Variants in MAP4K4 observed in about 807,000 individuals in gnomAD.
MAP4K4 encodes the protein mitogen-activated protein kinase kinase kinase kinase 4, also known as HPK/GCK-like kinase HGK.
MAP4K4 carries 38 observed loss-of-function variants against 189.6 expected under a neutral mutation model. That is an observed-to-expected ratio of 0.20 (90% CI 0.15 to 0.26). The LOEUF is 0.26. MAP4K4 is among the 10% of genes least tolerant of loss of function. The pLI is 1.00. For synonymous variants in MAP4K4, 610 were observed against 624.3 expected (o/e 0.98, Z 0.34); for missense variants, 1,054 against 1,726.9 (o/e 0.61, Z 6.91).
chr2:101,843,954 A>G, intron 11 of MAP4K4, 147 bp from the exon 12 acceptor site: 1 of 606,466 alleles, frequency 1.6e-6, no homozygotes, highest in Non-Finnish European at 3.0e-6. Flanking sequence ...AGATATAGTC[A>G]TTTCTGTGGA....
intron 3 of MAP4K4, among the ~76,000 whole-genome samples, chr2:101,817,013 T>C (rs2095766645): frequency 6.6e-6 from 1 of 152,102 alleles, no homozygotes; most frequent in South Asian, 2.1e-4. Context: ...TTTTTTTTTT[T>C]TTCCAAATTA....
intron 12 of MAP4K4, among the ~76,000 whole-genome samples, chr2:101,848,912 A>G (rs1464578240): frequency 6.6e-6 from 1 of 151,728 alleles, no homozygotes; most frequent in African/African-American, 2.4e-5. Context: ...TTTTGTTTGG[A>G]TGGTTCCAGG....
intron 10 of MAP4K4, among the ~76,000 whole-genome samples, chr2:101,840,382 C>T (rs1389653770): frequency 2.6e-5 from 4 of 152,140 alleles, no homozygotes; most frequent in Non-Finnish European, 5.9e-5. Flanking sequence ...CCAAGAACCC[C>T]CGCTCAGGGG....
chr2:101,760,719 G>T (rs1558785264), intron 2 of MAP4K4, among the ~76,000 whole-genome samples: 2 of 151,998 alleles, frequency 1.3e-5, no homozygotes, highest in Admixed American at 1.3e-4. Flanking sequence ...TAAGAAAATT[G>T]TTGGCCCGGC....
Position 101,829,598 on chromosome 2 carries a change from T to C in MAP4K4, c.508+4T>C. ...GAGAATGCAGAGGTGAAACTTGGTA[T>C]GTAATGGATGTGCGGCGTGATCTCA... is the stretch of plus-strand genomic sequence containing the variant. On this transcript the variant is annotated splice_donor_region_variant and intron_variant, in intron 6 of 32. Transcript: ENST00000324219. 2 of 1,601,582 alleles carry C rather than the reference T, an allele frequency of 1.2e-6. No homozygotes were observed. Among genetic ancestry groups the C allele is most frequent in the Non-Finnish European group, 1.7e-6 (2 of 1,171,774 alleles).
At chr2:101,798,647 G>T (rs1291637503) in intron 3 of MAP4K4, among the ~76,000 whole-genome samples, 1 of 152,130 alleles carries the variant, frequency 6.6e-6, no homozygotes, top group Admixed American at 6.5e-5. Flanking sequence ...CTGTATTTGG[G>T]TTTTAAAGTA....
chr2:101,846,941 A>G (rs2097128296), intron 12 of MAP4K4, among the ~76,000 whole-genome samples: 1 of 152,224 alleles, frequency 6.6e-6, no homozygotes, highest in Non-Finnish European at 1.5e-5. Context: ...AGGACTTCCC[A>G]TGGATACCAG....
intron 19 of MAP4K4, 35 bp downstream of exon 19, chr2:101,866,614 T>C: frequency 6.3e-7 from 1 of 1,598,082 alleles, no homozygotes; most frequent in Middle Eastern, 1.7e-4. Context: ...TCCCTGCTAA[T>C]GTTTTGAGCT....
chr2:101,796,639 C>G (rs907103978), intron 3 of MAP4K4, among the ~76,000 whole-genome samples: 3 of 152,170 alleles, frequency 2.0e-5, no homozygotes. Flanking sequence ...CACACTTCTC[C>G]TTTTTAAAAT....
At chr2:101,721,916 A>G (rs1187536760) in intron 2 of MAP4K4, among the ~76,000 whole-genome samples, 1 of 152,350 alleles carries the variant, frequency 6.6e-6, no homozygotes, top group East Asian at 1.9e-4. Context: ...AAAGCCAGCA[A>G]GACAATAAGC....
At chr2:101,875,726 A>G (rs2098182696) in intron 26 of MAP4K4, among the ~76,000 whole-genome samples, 1 of 152,216 alleles carries the variant, frequency 6.6e-6, no homozygotes, top group Non-Finnish European at 1.5e-5. Flanking sequence ...TCTGTGCTAC[A>G]TGTTACAAAG....
intron 24 of MAP4K4, among the ~76,000 whole-genome samples, chr2:101,872,155 T>A (rs1274472728): frequency 6.6e-6 from 1 of 151,982 alleles, no homozygotes; most frequent in African/African-American, 2.4e-5. Context: ...CAAACAGAAC[T>A]GATTTTTTTT....
rs1176045080 is a variant in MAP4K4, at chr2:101,861,110, G to A, written c.1866+124G>A. The A allele has an allele frequency of 5.5e-6, 5 of 901,464 alleles. No individual in the cohort carries two copies. In the Admixed American group the frequency reaches 1.2e-4, roughly 21 times the overall value. The allele number at this position is 901,464 out of a possible 1,614,324, so 55.8% of individuals were successfully genotyped here. A position where few individuals can be genotyped will look rare whatever the true frequency, so the allele number is the denominator to read the frequency against. ...TGAAAAAGAGGAGAGATTAGCAGGAGTGAGTTTAGACTAAAAGAAGGCATA... is the reference window on the plus strand; with the variant it reads ...TGAAAAAGAGGAGAGATTAGCAGGAATGAGTTTAGACTAAAAGAAGGCATA... On this transcript the variant is annotated intron_variant, in intron 16 of 32. Coordinates refer to ENST00000324219, the Ensembl canonical transcript of MAP4K4.
chr2:101,723,161 C>T (rs1382503804), intron 2 of MAP4K4, among the ~76,000 whole-genome samples: 2 of 152,186 alleles, frequency 1.3e-5, no homozygotes, highest in Non-Finnish European at 2.9e-5. Flanking sequence ...GGGAAACACC[C>T]TCATGATTCA....
chr2:101,784,280 G>A (rs557333922), intron 2 of MAP4K4, among the ~76,000 whole-genome samples: 1 of 145,060 alleles, frequency 6.9e-6, no homozygotes, highest in African/African-American at 2.8e-5. Context: ...GTGTGTGTGT[G>A]TGTGTGTATG....
intron 2 of MAP4K4, among the ~76,000 whole-genome samples, chr2:101,736,139 C>T (rs114820206): frequency 1.6e-4 from 24 of 152,310 alleles, no homozygotes; most frequent in African/African-American, 5.5e-4. Context: ...TACACAGTCC[C>T]CTGTGATAAC....
chr2:101,818,388 G>C (rs1362230385), intron 3 of MAP4K4, among the ~76,000 whole-genome samples: 1 of 152,098 alleles, frequency 6.6e-6, no homozygotes, highest in Non-Finnish European at 1.5e-5. Flanking sequence ...TTATCCAGCT[G>C]TCGCCGAGTC....
intron 2 of MAP4K4, among the ~76,000 whole-genome samples, chr2:101,778,908 G>C (rs2085779647): frequency 6.6e-6 from 1 of 152,132 alleles, no homozygotes; most frequent in Admixed American, 6.5e-5. Context: ...AGACACACCT[G>C]AGTCGGAATT....
At chr2:101,819,365 A>G (rs2095903990) in intron 3 of MAP4K4, among the ~76,000 whole-genome samples, 1 of 152,252 alleles carries the variant, frequency 6.6e-6, no homozygotes. Flanking sequence ...AGCATTAGTC[A>G]TAATTAGATT....
Sources: allele counts gnomAD v4.1 joint callset (sites outside exome capture counted in the v4.1 genomes callset), GRCh38; gene constraint gnomAD v4.1.1; transcripts MANE v1.5; gene names NCBI Gene and HGNC (gene_info 2026-07-23, HGNC 2026-07-21).